Variants in CD53 observed in about 807,000 individuals in gnomAD.
CD53 encodes CD53 molecule, also known as leukocyte surface antigen CD53.
A neutral mutation model predicts 27.3 loss-of-function variants in CD53; 20 were observed. The ratio of observed to expected loss-of-function variants is 0.73; its 90% CI spans 0.52 to 1.07. CD53 has a LOEUF of 1.07. Among genes scored for constraint, CD53 ranks in the 50% least tolerant of loss-of-function variants. CD53 has a pLI of 0.00. For synonymous variants in CD53, 106 were observed against 105.3 expected (o/e 1.01, Z -0.04); for missense variants, 216 against 264.0 (o/e 0.82, Z 1.26).
intron 3 of CD53, among the ~76,000 whole-genome samples, chr1:110,893,314 G>GT (rs1314877545): frequency 1.3e-5 from 2 of 152,020 alleles, no homozygotes; most frequent in South Asian, 2.1e-4. Context: ...TTTTTGTTTT[G>GT]TTTTTTTCTT....
rs1304448226 is a variant in CD53, at chr1:110,893,846, C to T, written c.253-481C>T. On this transcript the variant is annotated intron_variant, in intron 3 of 7. Coordinates refer to ENST00000271324, the MANE Select transcript of CD53 (RefSeq NM_000560.4). ...TTATTAGCATAAAAGGAGTAAGCAT[C>T]GAAAGCTGGAAACAAATATGAGTTA... Among the ~76,000 whole-genome samples, 7 of 152,290 alleles carry T rather than the reference C, an allele frequency of 4.6e-5. No homozygotes were observed. In the East Asian group the frequency reaches 7.7e-4, roughly 17 times the overall value.
intron 1 of CD53, among the ~76,000 whole-genome samples, chr1:110,876,187 T>A (rs2101036735): frequency 6.6e-6 from 1 of 152,342 alleles, no homozygotes; most frequent in East Asian, 1.9e-4. Flanking sequence ...AACTGTCCAA[T>A]CTGCTTACTT....
Position 110,899,459 on chromosome 1 carries a change from G to C in CD53, c.*264G>C, listed in dbSNP as rs1291220986. The C allele has an allele frequency of 4.0e-5, 14 of 352,896 alleles. No homozygotes were observed. The Admixed American group carries it at 5.9e-4, about 15-fold the overall frequency. The allele number at this position is 352,896 out of a possible 1,614,324, so 21.9% of individuals were successfully genotyped here. A position where few individuals can be genotyped will look rare whatever the true frequency, so the allele number is the denominator to read the frequency against. ...ATATCTGAGCATCTTTTAGACAAGA[G>C]AGGCAAAGACAAACTGGATTTAATG... On this transcript the variant is annotated 3_prime_UTR_variant, in exon 8 of 8. Coordinates refer to ENST00000271324, the MANE Select transcript of CD53 (RefSeq NM_000560.4).
intron 1 of CD53, among the ~76,000 whole-genome samples, chr1:110,890,496 G>A (rs1217812941): frequency 6.6e-6 from 1 of 152,126 alleles, no homozygotes; most frequent in Admixed American, 6.5e-5. Context: ...GAGCCTGGGA[G>A]GTGAAGGTTG....
chr1:110,879,300 C>G (rs1032852433), intron 1 of CD53, among the ~76,000 whole-genome samples: 1 of 152,142 alleles, frequency 6.6e-6, no homozygotes, highest in African/African-American at 2.4e-5. Flanking sequence ...ATTAATAACC[C>G]TATTTCAAAG....
chr1:110,892,910 T>C (rs1656913208), intron 3 of CD53: 1 of 179,262 alleles, frequency 5.6e-6, no homozygotes, highest in Admixed American at 5.4e-5. Context: ...TGACTGAGAG[T>C]CGCTAACTAA....
chr1:110,896,416 T>C (rs1050722768), intron 5 of CD53, among the ~76,000 whole-genome samples: 1 of 152,170 alleles, frequency 6.6e-6, no homozygotes, highest in East Asian at 1.9e-4. Flanking sequence ...TTATTCTTGA[T>C]CTGTAAAATG....
chr1:110,886,870 T>TATATATATA (rs1491267172), intron 1 of CD53, among the ~76,000 whole-genome samples: 3,358 of 35,164 alleles, frequency 0.095, 65 homozygotes, highest in Non-Finnish European at 0.14. Context: ...TATATATATA[T>TATATATATA]TTTTTTTTTC....
At chr1:110,882,474 G>A (rs1355344527) in intron 1 of CD53, among the ~76,000 whole-genome samples, 4 of 151,798 alleles carry the variant, frequency 2.6e-5, no homozygotes. Context: ...TATTGTTGTA[G>A]TTTTATAGAA....
intron 1 of CD53, among the ~76,000 whole-genome samples, chr1:110,883,523 T>C (rs1656441101): frequency 6.6e-6 from 1 of 152,012 alleles, no homozygotes; most frequent in Non-Finnish European, 1.5e-5. Flanking sequence ...TCTTGTAATA[T>C]CTTTCTGCTT....
At chr1:110,897,390 C>T (rs191931499) in intron 6 of CD53, among the ~76,000 whole-genome samples, 41 of 152,354 alleles carry the variant, frequency 2.7e-4, no homozygotes, top group Non-Finnish European at 5.9e-5. Context: ...TGACCAGCAA[C>T]TGCCCTGGCA....
intron 3 of CD53, among the ~76,000 whole-genome samples, 198 bp from the exon 4 acceptor site, chr1:110,894,129 G>A (rs1408763193): frequency 3.3e-5 from 5 of 152,230 alleles, no homozygotes; most frequent in Non-Finnish European, 7.3e-5. Flanking sequence ...AAAGAAGACA[G>A]TTGATCTGCC....
At chr1:110,874,410 G>A (rs557494377) in intron 1 of CD53, among the ~76,000 whole-genome samples, 1 of 152,370 alleles carries the variant, frequency 6.6e-6, no homozygotes, top group African/African-American at 2.4e-5. Flanking sequence ...TGAAAAGGTA[G>A]AAGGAGAATA....
At chr1:110,884,829 C>T (rs115376640) in intron 1 of CD53, among the ~76,000 whole-genome samples, 2,342 of 128,990 alleles carry the variant, frequency 0.018, 23 homozygotes, top group Middle Eastern at 0.057. Context: ...AAAATGTATT[C>T]GCTTCTTTAT....
At chr1:110,886,647 G>A (rs1021018121) in intron 1 of CD53, among the ~76,000 whole-genome samples, 7 of 151,760 alleles carry the variant, frequency 4.6e-5, no homozygotes, top group Non-Finnish European at 7.4e-5. Flanking sequence ...TCAGGCATGC[G>A]AGACCAGCCT....
upstream of CD53, among the ~76,000 whole-genome samples, chr1:110,872,903 TACCCTAGAATCC>T (rs1656006418): frequency 6.6e-6 from 1 of 152,202 alleles, no homozygotes; most frequent in South Asian, 2.1e-4. Flanking sequence ...ATTGCCAAAT[TACCCTAGAATCC>T]ACCACTGCTC....
intron 1 of CD53, among the ~76,000 whole-genome samples, chr1:110,876,353 T>C (rs1033606439): frequency 1.3e-5 from 2 of 152,234 alleles, no homozygotes; most frequent in Non-Finnish European, 2.9e-5. Flanking sequence ...ACTGTATTCT[T>C]CATTTACATA....
chr1:110,876,791 C>T (rs1202904027), intron 1 of CD53, among the ~76,000 whole-genome samples: 1 of 152,104 alleles, frequency 6.6e-6, no homozygotes, highest in Non-Finnish European at 1.5e-5. Flanking sequence ...TGACAAAATT[C>T]AGACTGATAA....
rs1298376721 is a variant in CD53 at position 110,886,869 on chromosome 1, A to ATATTT, written c.-17-4522_-17-4521insATTTT. On this transcript the variant is annotated intron_variant, in intron 1 of 7. Transcript: ENST00000271324. ...CCAATATATATATATATATATATATATTTTTTTTTTCTGTCTGTGTTTCTT... is the reference window on the plus strand; with the variant it reads ...CCAATATATATATATATATATATATATATTTTTTTTTTTTTCTGTCTGTGTTTCTT... 6.9e-3 allele frequency among the ~76,000 whole-genome samples: 567 copies of ATATTT among 82,760 alleles called. 7 individuals carry two copies. The highest frequency in any genetic ancestry group is 9.4e-3 in the South Asian group (22 of 2,342). 54.3% of individuals were successfully genotyped at this position (82,760 alleles called of 152,430 possible).
Sources: gnomAD v4.1 joint callset for allele counts (sites outside exome capture counted in the v4.1 genomes callset) on GRCh38, gnomAD v4.1.1 for gene constraint, MANE v1.5 for transcripts, NCBI Gene and HGNC (gene_info 2026-07-23, HGNC 2026-07-21) for gene names.